SNX32: variants seen among roughly 807,000 people sequenced by gnomAD.
SNX32 encodes the protein sorting nexin 32, also known as sorting nexin-32.
A neutral mutation model predicts 57.0 loss-of-function variants in SNX32; 58 were observed. That is an observed-to-expected ratio of 1.02 (90% CI 0.82 to 1.27). The LOEUF (loss-of-function observed/expected upper bound fraction) is 1.27. Ranked by LOEUF, SNX32 falls within the 50% of genes most tolerant of loss-of-function variation. SNX32 has a pLI of 0.00. For missense variants in SNX32, 589 were observed against 541.2 expected (o/e 1.09, Z -0.88); for synonymous variants, 262 against 220.4 (o/e 1.19, Z -1.67).
Position 65,852,504 on chromosome 11 carries a change from CT to C in SNX32, c.866del (p.Leu289ArgfsTer5). 1 of 1,614,238 alleles carries C rather than the reference CT, an allele frequency of 6.2e-7. No individual in the cohort carries two copies. Among genetic ancestry groups the C allele is most frequent in the Non-Finnish European group, 8.5e-7 (1 of 1,180,040 alleles). On this transcript the variant is annotated frameshift_variant, in exon 10 of 13. Transcript: ENST00000308342. LOFTEE classifies it high-confidence loss of function. ...GGTGGCTTCCGATGAGGACCTGAAG[CT>C]GTCAGACATGCTGAGGTACTACATG... The part of the protein sequence containing the change: ...GRVASDEDLK[L>X]SDMLRYYMRD...
intron 1 of SNX32, among the ~76,000 whole-genome samples, chr11:65,847,998 CAGG>C (rs1260140678): frequency 1.3e-5 from 2 of 152,122 alleles, no homozygotes; most frequent in African/African-American, 4.8e-5. Flanking sequence ...GCCGGACAGC[CAGG>C]AGGAGGGGAC....
In SNX32 at chr11:65,833,986, G is replaced by C. The variant is rs1224672837; in HGVS notation, c.-80G>C. On this transcript the variant is annotated 5_prime_UTR_variant, in exon 1 of 13. Transcript: ENST00000308342. ...CCGTCAGCTGAGAGCATCCTCACTC[G>C]GTCAGTTCCTCGGGCGAGTTACGGG... The C allele has an allele frequency of 7.4e-6, 11 of 1,488,300 alleles. No individual in the cohort carries two copies. The East Asian group carries it at 1.3e-4, about 17-fold the overall frequency. 92.2% of individuals were successfully genotyped at this position (1,488,300 alleles called of 1,614,324 possible). A position where few individuals can be genotyped will look rare whatever the true frequency, so the allele number is the denominator to read the frequency against.
rs754869058 is a variant in SNX32, at chr11:65,849,972, A to C, written c.194A>C (p.Glu65Ala). 81 of 1,608,044 alleles carry C rather than the reference A, an allele frequency of 5.0e-5. No individual in the cohort carries two copies. The highest frequency in any genetic ancestry group is 2.0e-5 in the Non-Finnish European group (23 of 1,175,586). ...QTEFSVVRQHEEFIWLHDAYV... is the reference protein window; with the variant it reads ...QTEFSVVRQHAEFIWLHDAYV... ...GAGTTCTCAGTCGTGCGGCAGCACG[A>C]GGAGTTCATCTGGCTGCATGATGCC... The change falls in exon 3 of 13, where the codon GAG (glutamate) becomes GCG (alanine). Residue 65 changes from glutamate to alanine, a missense_variant. Coordinates refer to ENST00000308342, the MANE Select transcript of SNX32 (RefSeq NM_152760.3).
At chr11:65,843,402 C>A (rs1487660927) in intron 1 of SNX32, among the ~76,000 whole-genome samples, 2 of 151,898 alleles carry the variant, frequency 1.3e-5, no homozygotes, top group African/African-American at 2.4e-5. Context: ...AACCCCATCT[C>A]TACTAAAAAT....
chr11:65,851,174 A>G lies in SNX32; in HGVS notation c.709+14A>G. Reference sequence around the variant, plus strand: ...GCGCCCACAAGTGTACGCAGGGCCCAAGGGGTCCTGGATCCCCCTGCCCCT... The same window carrying G: ...GCGCCCACAAGTGTACGCAGGGCCCGAGGGGTCCTGGATCCCCCTGCCCCT... On this transcript the variant is annotated intron_variant, in intron 7 of 12. Coordinates refer to ENST00000308342, the MANE Select transcript of SNX32 (RefSeq NM_152760.3). The G allele has an allele frequency of 3.7e-6, 6 of 1,608,892 alleles. No homozygotes were observed. The highest frequency in any genetic ancestry group is 3.3e-4 in the Middle Eastern group (2 of 6,054).
Position 65,851,404 on chromosome 11 carries a change from G to T in SNX32, c.785+1G>T. The T allele has an allele frequency of 1.2e-6, 2 of 1,614,120 alleles. No individual in the cohort carries two copies. Among genetic ancestry groups the T allele is most frequent in the Non-Finnish European group, 1.7e-6 (2 of 1,179,970 alleles). The stretch of plus-strand genomic sequence containing the variant: ...CACAGGAAGTCAACCAGCTAAGGAC[G>T]TGAGGACTCCCCCCACCCCTACCCT... On this transcript the variant is annotated splice_donor_variant, in intron 8 of 12. Transcript: ENST00000308342. LOFTEE classifies it high-confidence loss of function.
At position 65,850,564 on chromosome 11, in the gene SNX32, G is replaced by A. The variant is rs1321090366; in HGVS notation, c.498+10G>A. On this transcript the variant is annotated intron_variant, in intron 5 of 12. Transcript: ENST00000308342. Reference sequence around the variant, plus strand: ...GGAATATGGACAGGATGTGAGCTGGGCCGAATCCCTGGGGTCACCCTTGGG... The same window carrying A: ...GGAATATGGACAGGATGTGAGCTGGACCGAATCCCTGGGGTCACCCTTGGG... 3.1e-6 allele frequency: 5 copies of A among 1,598,896 alleles called. No individual in the cohort carries two copies. The highest frequency in any genetic ancestry group is 2.3e-5 in the East Asian group (1 of 44,098).
Position 65,834,016 on chromosome 11 carries a change from A to T in SNX32, c.-50A>T. 6.5e-7 allele frequency: 1 copy of T among 1,546,424 alleles called. No homozygotes were observed. Among genetic ancestry groups the T allele is most frequent in the Non-Finnish European group, 8.7e-7 (1 of 1,144,006 alleles). ...GTTCCTCGGGCGAGTTACGGGGACG[A>T]CCTGCGGGAGCACGCGGGCAGTGGC... On this transcript the variant is annotated 5_prime_UTR_variant, in exon 1 of 13. Transcript: ENST00000308342.
intron 1 of SNX32, among the ~76,000 whole-genome samples, chr11:65,838,700 T>G (rs922178160): frequency 2.0e-5 from 3 of 152,104 alleles, no homozygotes; most frequent in Non-Finnish European, 4.4e-5. Flanking sequence ...CATGAAACAT[T>G]TACCAAAATA....
At position 65,850,430 on chromosome 11, in the gene SNX32, G is replaced by A. The variant is rs553175435; in HGVS notation, c.375-1G>A. On this transcript the variant is annotated splice_acceptor_variant, in intron 4 of 12. Transcript: ENST00000308342. LOFTEE classifies it high-confidence loss of function. ...CCGGTGAGCTGCTGCCACTCTCGCAGGGAGTACCTGGCCATCTTTAAGAAG... is the reference window on the plus strand; with the variant it reads ...CCGGTGAGCTGCTGCCACTCTCGCAAGGAGTACCTGGCCATCTTTAAGAAG... The A allele has an allele frequency of 1.9e-6, 3 of 1,614,162 alleles. No homozygotes were observed. The African/African-American group carries it at 4.0e-5, about 22-fold the overall frequency.
At chr11:65,853,078 T>C (rs576722621) in intron 12 of SNX32, 120 bp downstream of exon 12, 6 of 1,286,134 alleles carry the variant, frequency 4.7e-6, no homozygotes, top group South Asian at 1.2e-5. Flanking sequence ...CGCGTGTGTG[T>C]GCATGAGAGG....
In SNX32 at chr11:65,834,008, C is replaced by T. The variant is rs937401624; in HGVS notation, c.-58C>T. The T allele has an allele frequency of 1.9e-6, 3 of 1,541,044 alleles. No individual in the cohort carries two copies. Among genetic ancestry groups the T allele is most frequent in the Non-Finnish European group, 2.6e-6 (3 of 1,140,070 alleles). Reference sequence around the variant, plus strand: ...CTCGGTCAGTTCCTCGGGCGAGTTACGGGGACGACCTGCGGGAGCACGCGG... The same window carrying T: ...CTCGGTCAGTTCCTCGGGCGAGTTATGGGGACGACCTGCGGGAGCACGCGG... On this transcript the variant is annotated 5_prime_UTR_variant, in exon 1 of 13. It adds an upstream start codon to the 5' untranslated region. Coordinates refer to ENST00000308342, the MANE Select transcript of SNX32 (RefSeq NM_152760.3).
intron 1 of SNX32, among the ~76,000 whole-genome samples, chr11:65,846,992 A>AG (rs1347454231): frequency 6.9e-6 from 1 of 145,558 alleles, no homozygotes; most frequent in African/African-American, 2.5e-5. Context: ...TCAAAAAAAA[A>AG]AATTTAGCTT....
intron 1 of SNX32, among the ~76,000 whole-genome samples, chr11:65,842,592 G>A (rs1210127930): frequency 6.6e-6 from 1 of 152,096 alleles, no homozygotes; most frequent in Admixed American, 6.6e-5. Flanking sequence ...GGCAGAGGCT[G>A]CAGTGAGCCA....
chr11:65,848,212 G>A (rs1389807185), intron 1 of SNX32, among the ~76,000 whole-genome samples: 2 of 152,182 alleles, frequency 1.3e-5, no homozygotes, highest in Admixed American at 6.5e-5. Flanking sequence ...TTGTATACTG[G>A]TGAGCAATGC....
Position 65,835,290 on chromosome 11 carries a change from C to G in SNX32, c.36+1189C>G, listed in dbSNP as rs887873652. On this transcript the variant is annotated intron_variant, in intron 1 of 12. Transcript: ENST00000308342. ...GGGACCCGTCACTGTCACTCTTACCCTCCCCAAGACCAACTCAGGCTGTCT... is the reference window on the plus strand; with the variant it reads ...GGGACCCGTCACTGTCACTCTTACCGTCCCCAAGACCAACTCAGGCTGTCT... Among the ~76,000 whole-genome samples the G allele has an allele frequency of 2.0e-5, 3 of 149,952 alleles. No individual in the cohort carries two copies. In the South Asian group the frequency reaches 6.4e-4, roughly 32 times the overall value.
rs372426532 is a variant in SNX32, at chr11:65,849,917, C to G, written c.142-3C>G. The G allele has an allele frequency of 6.4e-7, 1 of 1,558,574 alleles. No individual in the cohort carries two copies. The highest frequency in any genetic ancestry group is 8.7e-7 in the Non-Finnish European group (1 of 1,148,972). On this transcript the variant is annotated splice_region_variant and splice_polypyrimidine_tract_variant and intron_variant, in intron 2 of 12. Transcript: ENST00000308342. Reference sequence around the variant, plus strand: ...GGACCTCAGTTGGCCTTCCCGCTTCCAGAGCTGCCTCCCTCACTTCGCCCA... The same window carrying G: ...GGACCTCAGTTGGCCTTCCCGCTTCGAGAGCTGCCTCCCTCACTTCGCCCA...
Position 65,850,503 on chromosome 11 carries a change from C to G in SNX32, c.447C>G (p.Pro149=), listed in dbSNP as rs1413691263. Residue 149 remains proline, a synonymous_variant, in exon 5 of 13, where the codon CCC becomes CCG. Transcript: ENST00000308342. ...TTCTGCAGCGCCTGGCGGCCCACCC[C>G]ACCCTGCGTCGAGACCACAACTTCT... is the stretch of plus-strand genomic sequence containing the variant. ...EVFLQRLAAH[P]TLRRDHNFFV... The G allele has an allele frequency of 6.2e-7, 1 of 1,613,930 alleles. No homozygotes were observed. Among genetic ancestry groups the G allele is most frequent in the East Asian group, 2.2e-5 (1 of 44,870 alleles).
chr11:65,837,194 G>A (rs987889149), intron 1 of SNX32, among the ~76,000 whole-genome samples: 8 of 152,084 alleles, frequency 5.3e-5, no homozygotes, highest in Non-Finnish European at 8.8e-5. Flanking sequence ...AAAGCAAGAT[G>A]ACAAGTTGGT....
Sources: gnomAD v4.1 joint callset for allele counts (sites outside exome capture counted in the v4.1 genomes callset) on GRCh38, gnomAD v4.1.1 for gene constraint, MANE v1.5 for transcripts, NCBI Gene and HGNC (gene_info 2026-07-23, HGNC 2026-07-21) for gene names.